PIK3CD: variants seen among roughly 807,000 people sequenced by gnomAD.
The protein encoded by PIK3CD is phosphatidylinositol 4,5-bisphosphate 3-kinase catalytic subunit delta isoform.
Under a neutral mutation model 122.9 loss-of-function variants are expected in PIK3CD, and 20 were observed. The ratio of observed to expected loss-of-function variants is 0.16; its 90% CI spans 0.11 to 0.24. The LOEUF (loss-of-function observed/expected upper bound fraction) is 0.24. PIK3CD is among the 10% of genes least tolerant of loss of function. The pLI is 1.00. For synonymous variants in PIK3CD, 596 were observed against 593.4 expected (o/e 1.00, Z -0.06); for missense variants, 787 against 1,406.3 (o/e 0.56, Z 7.04).
At chr1:9,698,338 C>T (rs562285181) in intron 2 of PIK3CD, among the ~76,000 whole-genome samples, 96 of 152,288 alleles carry the variant, frequency 6.3e-4, no homozygotes, top group African/African-American at 2.2e-3. Flanking sequence ...GACGGGGTTT[C>T]ACCACGTTGG....
rs542032453 is a variant in PIK3CD, at chr1:9,670,216, C to G, written c.-138+18414C>G. ...CAAGGAAAGGAGATGTACTCCCAGACCACAACTTCTGTTTCTGATGGTTTC... is the reference window on the plus strand; with the variant it reads ...CAAGGAAAGGAGATGTACTCCCAGAGCACAACTTCTGTTTCTGATGGTTTC... On this transcript the variant is annotated intron_variant, in intron 1 of 23. Coordinates refer to ENST00000377346, the MANE Select transcript of PIK3CD (RefSeq NM_005026.5). Among the ~76,000 whole-genome samples, 23 of 151,450 alleles carry G rather than the reference C, an allele frequency of 1.5e-4. No homozygotes were observed. The Middle Eastern group carries it at 0.01, about 68-fold the overall frequency.
Position 9,715,585 on chromosome 1 carries a change from CAG to C in PIK3CD, c.187_188del (p.Ser63TrpfsTer28), listed in dbSNP as rs769308423. 1 of 1,613,780 alleles carries C rather than the reference CAG, an allele frequency of 6.2e-7. No homozygotes were observed. Among genetic ancestry groups the C allele is most frequent in the Non-Finnish European group, 8.5e-7 (1 of 1,180,040 alleles). ...AQYEPLFHML[S>X]GPEAYVFTCI... is the part of the protein sequence containing the mutation. ...AGTATGAGCCGCTCTTCCACATGCT[CAG>C]TGGCCCCGAGGCCTATGTGTTCACC... On this transcript the variant is annotated frameshift_variant, in exon 4 of 24. Coordinates refer to ENST00000377346, the MANE Select transcript of PIK3CD (RefSeq NM_005026.5). LOFTEE classifies it high-confidence loss of function. The surrounding 1 kb of genome is among the most constrained non-coding windows in gnomAD (Gnocchi z 4.1).
intron 1 of PIK3CD, chr1:9,662,539 A>C (rs997184337): frequency 6.5e-6 from 1 of 152,766 alleles, no homozygotes; most frequent in Non-Finnish European, 1.5e-5. Flanking sequence ...GGGAAAGACA[A>C]TCTCTCTTCC....
rs1385002426 is a variant in PIK3CD at position 9,718,702 on chromosome 1, G to A, written c.1029G>A (p.Val343=). 6.2e-6 allele frequency: 10 copies of A among 1,603,734 alleles called. No homozygotes were observed. The highest frequency in any genetic ancestry group is 8.5e-6 in the Non-Finnish European group (10 of 1,179,728). ...VNADERMKLV[V]QAGLFHGNEM... ...CCCGGCACCTTCTACAGCTGGTGGT[G>A]CAGGCCGGGCTTTTCCACGGCAACG... The change falls in exon 9 of 24, where the codon GTG becomes GTA. Residue 343 remains valine, a synonymous_variant. Transcript: ENST00000377346. This position sits in a 1 kb window ranked among gnomAD's most constrained non-coding sequence, Gnocchi z 7.2.
rs1646593447 is a variant in PIK3CD, at chr1:9,700,691, C to T, written c.-33+9120C>T. On this transcript the variant is annotated intron_variant, in intron 2 of 23. Coordinates refer to ENST00000377346, the MANE Select transcript of PIK3CD (RefSeq NM_005026.5). This position sits in a 1 kb window ranked among gnomAD's most constrained non-coding sequence, Gnocchi z 5.1. The stretch of plus-strand genomic sequence containing the variant: ...TCCACAGATCTGTCCCCCGCCCTCC[C>T]ACCTGGGGAGTTTGCCCCTGGCGGT... 6.6e-6 allele frequency among the ~76,000 whole-genome samples: 1 copy of T among 152,172 alleles called. No homozygotes were observed. Among genetic ancestry groups the T allele is most frequent in the South Asian group, 2.1e-4 (1 of 4,822 alleles).
chr1:9,682,044 T>G (rs1006115536), intron 1 of PIK3CD, among the ~76,000 whole-genome samples: 10 of 152,288 alleles, frequency 6.6e-5, no homozygotes, highest in Non-Finnish European at 1.5e-4. Context: ...GTGATCTTGT[T>G]GCCTCAGCCT....
intron 1 of PIK3CD, among the ~76,000 whole-genome samples, chr1:9,684,545 A>G (rs1448937412): frequency 1.3e-5 from 2 of 149,502 alleles, no homozygotes; most frequent in Non-Finnish European, 3.0e-5. Flanking sequence ...TCAAAAAAAA[A>G]AAAAAAAGAA....
upstream of PIK3CD, among the ~76,000 whole-genome samples, chr1:9,650,648 G>GAAAGA (rs911468610): frequency 2.0e-5 from 3 of 151,664 alleles, no homozygotes; most frequent in African/African-American, 7.3e-5. Context: ...AAAAGAAAAA[G>GAAAGA]AAAGAAAAGA....
intron 1 of PIK3CD, among the ~76,000 whole-genome samples, chr1:9,665,873 C>G (rs1167519262): frequency 1.3e-5 from 2 of 152,088 alleles, no homozygotes; most frequent in African/African-American, 4.8e-5. Context: ...TCTGCCTCAG[C>G]CTCCCAAGTA....
intron 1 of PIK3CD, among the ~76,000 whole-genome samples, chr1:9,655,066 CAAAAAAAA>C (rs201406696): frequency 1.0e-4 from 13 of 124,864 alleles, no homozygotes; most frequent in Non-Finnish European, 8.7e-5. Flanking sequence ...GACTACATTT[CAAAAAAAA>C]AAAAAAGAAA....
At chr1:9,694,388 T>G (rs1284130952) in intron 2 of PIK3CD, among the ~76,000 whole-genome samples, 1 of 152,008 alleles carries the variant, frequency 6.6e-6, no homozygotes, top group Non-Finnish European at 1.5e-5. Context: ...ACAAAAATTA[T>G]CTGGGTGTGG....
At position 9,652,549 on chromosome 1, in the gene PIK3CD, C is replaced by T. The variant is rs939849077; in HGVS notation, c.-138+747C>T. On this transcript the variant is annotated intron_variant, in intron 1 of 23. Transcript: ENST00000377346. The surrounding 1 kb of genome is among the most constrained non-coding windows in gnomAD (Gnocchi z 6.2). Reference sequence around the variant, plus strand: ...AGCCGGGGTTACGCCGGCAAAACCGCCCCCAGCTTTGCATTTCCGGACTTT... The same window carrying T: ...AGCCGGGGTTACGCCGGCAAAACCGTCCCCAGCTTTGCATTTCCGGACTTT... The T allele has an allele frequency of 6.6e-6, 1 of 152,268 alleles. No individual in the cohort carries two copies. The allele number at this position is 152,268 out of a possible 1,614,324, so 9.4% of individuals were successfully genotyped here.
the PIK3CD span, among the ~76,000 whole-genome samples, chr1:9,629,149 T>C: frequency 6.6e-6 from 1 of 152,062 alleles, no homozygotes; most frequent in Non-Finnish European, 1.5e-5. Context: ...TGCTGTGAGT[T>C]GCGGCCCCGG....
chr1:9,715,970 G>A lies in PIK3CD; in HGVS notation c.492G>A (p.Gln164=), dbSNP rs773051124. The A allele has an allele frequency of 3.1e-6, 5 of 1,612,436 alleles. 1 individual carries two copies. The highest frequency in any genetic ancestry group is 8.5e-7 in the Non-Finnish European group (1 of 1,179,844). ...RQQLGWEAWL[Q]YSFPLQLEPS... is the part of the protein sequence containing the mutation. ...AGCTGGGCTGGGAGGCCTGGCTGCA[G>A]TACAGTTTCCCCCTGCAGCTGGAGC... The change falls in exon 5 of 24, where the codon CAG becomes CAA. Residue 164 remains glutamine (Q), a synonymous_variant. Coordinates refer to ENST00000377346, the MANE Select transcript of PIK3CD (RefSeq NM_005026.5). The surrounding 1 kb of genome is among the most constrained non-coding windows in gnomAD (Gnocchi z 4.1).
the PIK3CD span, among the ~76,000 whole-genome samples, chr1:9,639,554 T>C: frequency 3.3e-5 from 5 of 152,130 alleles, no homozygotes; most frequent in African/African-American, 1.2e-4. Context: ...CAGGGCTGCA[T>C]TTCAGGGCCC....
At chr1:9,705,690 C>T (rs1646805648) in intron 2 of PIK3CD, among the ~76,000 whole-genome samples, 1 of 152,102 alleles carries the variant, frequency 6.6e-6, no homozygotes, top group Non-Finnish European at 1.5e-5. Flanking sequence ...GGAAAATGGG[C>T]AAAGTTTATA....
Position 9,718,090 on chromosome 1 carries a change from C to T in PIK3CD, c.1020+464C>T, listed in dbSNP as rs1195556601. 4.3e-6 allele frequency: 2 copies of T among 467,582 alleles called. No homozygotes were observed. The highest frequency in any genetic ancestry group is 8.5e-6 in the Non-Finnish European group (2 of 234,954). The allele number at this position is 467,582 out of a possible 1,614,324, so 29.0% of individuals were successfully genotyped here. A position where few individuals can be genotyped will look rare whatever the true frequency, so the allele number is the denominator to read the frequency against. ...TGTCTCTTAACACTTTCACACGCTC[C>T]ATCGCAACAGCCTGCAGTCATGGGC... On this transcript the variant is annotated intron_variant, in intron 8 of 23. Coordinates refer to ENST00000377346, the MANE Select transcript of PIK3CD (RefSeq NM_005026.5). The surrounding 1 kb of genome is among the most constrained non-coding windows in gnomAD (Gnocchi z 7.2).
intron 1 of PIK3CD, among the ~76,000 whole-genome samples, chr1:9,673,366 C>T (rs533342036): frequency 6.6e-6 from 1 of 152,054 alleles, no homozygotes; most frequent in Non-Finnish European, 1.5e-5. Flanking sequence ...TTCAAGCAAA[C>T]CTCTTGCCTC....
At chr1:9,627,817 G>T in the PIK3CD span, among the ~76,000 whole-genome samples, 1 of 152,174 alleles carries the variant, frequency 6.6e-6, no homozygotes, top group African/African-American at 2.4e-5. Context: ...GAGAGGAGGG[G>T]CCTTCGATGC....
Sources: gnomAD v4.1 joint callset for allele counts (sites outside exome capture counted in the v4.1 genomes callset) on GRCh38, gnomAD v4.1.1 for gene constraint, Gnocchi (gnomAD v3.1) non-coding constraint, MANE v1.5 for transcripts, NCBI Gene and HGNC (gene_info 2026-07-23, HGNC 2026-07-21) for gene names.